The following TLN2 variants were observed in gnomAD, a reference collection of about 807,000 sequenced individuals.
TLN2 encodes talin-2.
Under a neutral mutation model 294.7 loss-of-function variants are expected in TLN2, and 118 were observed. The ratio of observed to expected loss-of-function variants is 0.40; its 90% CI spans 0.34 to 0.47. The LOEUF (loss-of-function observed/expected upper bound fraction) is 0.47, where lower values mean the gene tolerates loss of function less well. Among genes scored for constraint, TLN2 ranks in the 20% least tolerant of loss-of-function variants. The pLI is 0.84. For missense variants in TLN2, 3,083 were observed against 3,282.2 expected (o/e 0.94, Z 1.48); for synonymous variants, 1,431 against 1,304.5 (o/e 1.10, Z -2.09).
chr15:62,521,740 A>T (rs536301800), intron 1 of TLN2, among the ~76,000 whole-genome samples: 1 of 152,192 alleles, frequency 6.6e-6, no homozygotes, highest in Non-Finnish European at 1.5e-5. Context: ...GCCTGGCTGC[A>T]TTAATGGAGA....
chr15:62,752,732 A>G (rs1406625764), intron 35 of TLN2, among the ~76,000 whole-genome samples: 4 of 152,168 alleles, frequency 2.6e-5, no homozygotes, highest in Non-Finnish European at 5.9e-5. Context: ...GGGGTAGAAA[A>G]ATAAGCACTA....
In TLN2 at chr15:62,466,028, G is replaced by A. The variant is rs567376185; in HGVS notation, c.-238+75343G>A. 6.6e-5 allele frequency among the ~76,000 whole-genome samples: 10 copies of A among 152,266 alleles called. No individual in the cohort carries two copies. In the South Asian group the frequency reaches 2.1e-3, roughly 32 times the overall value. ...GGAGAAAGCAGTTGCTTTTAGCATT[G>A]CTCCCTTTTCCAGAGGAAATATGAT... On this transcript the variant is annotated intron_variant, in intron 1 of 58. Transcript: ENST00000636159.
intron 52 of TLN2, among the ~76,000 whole-genome samples, chr15:62,816,026 C>T (rs753663004): frequency 2.6e-5 from 4 of 152,194 alleles, no homozygotes; most frequent in Non-Finnish European, 5.9e-5. Flanking sequence ...TCAGCACAGA[C>T]ACACAGGTTG....
At chr15:62,498,761 C>G (rs1160623944) in intron 1 of TLN2, among the ~76,000 whole-genome samples, 1 of 151,604 alleles carries the variant, frequency 6.6e-6, no homozygotes, top group East Asian at 1.9e-4. Context: ...TAGTTCTTTT[C>G]ATATATAAAT....
chr15:62,657,823 G>C lies in TLN2; in HGVS notation c.713G>C (p.Cys238Ser). ...GSHPVSFEKA[C>S]EFGGFQAQIQ... ...CACCCTGTCTCCTTCGAGAAAGCTT[G>C]TGAGTTTGGTGGATTTCAAGCCCAG... The change falls in exon 9 of 59, where the codon TGT becomes TCT. Residue 238 changes from cysteine (C) to serine (S), a missense_variant. Cys to Ser is a moderately radical substitution (Grantham distance 112, BLOSUM62 -1). Transcript: ENST00000636159. 6.2e-7 allele frequency: 1 copy of C among 1,613,918 alleles called. No homozygotes were observed. The highest frequency in any genetic ancestry group is 8.5e-7 in the Non-Finnish European group (1 of 1,179,952).
chr15:62,768,891 G>A (rs2063181970), intron 41 of TLN2, among the ~76,000 whole-genome samples: 1 of 152,200 alleles, frequency 6.6e-6, no homozygotes, highest in Admixed American at 6.5e-5. Flanking sequence ...AACTCTCAGT[G>A]CTATTATTAA....
chr15:62,579,666 C>T (rs1399452102), intron 1 of TLN2, among the ~76,000 whole-genome samples: 3 of 152,094 alleles, frequency 2.0e-5, no homozygotes, highest in Admixed American at 2.0e-4. Context: ...GAAGAGGATG[C>T]CCCTCCTTCT....
intron 54 of TLN2, among the ~76,000 whole-genome samples, chr15:62,824,349 G>T (rs1288161835): frequency 6.6e-6 from 1 of 152,162 alleles, no homozygotes; most frequent in Non-Finnish European, 1.5e-5. Context: ...CAGAATAAAG[G>T]TCAGGATTAT....
At chr15:62,578,404 T>TA (rs995505213) in intron 1 of TLN2, among the ~76,000 whole-genome samples, 2 of 151,886 alleles carry the variant, frequency 1.3e-5, no homozygotes, top group African/African-American at 4.8e-5. Flanking sequence ...CCGTCTCTAC[T>TA]AAAAATACAA....
At chr15:62,650,878 A>G (rs1008785064) in intron 5 of TLN2, among the ~76,000 whole-genome samples, 1 of 152,136 alleles carries the variant, frequency 6.6e-6, no homozygotes, top group South Asian at 2.1e-4. Context: ...GTAGTAAACA[A>G]GTTACTTAAA....
intron 1 of TLN2, among the ~76,000 whole-genome samples, chr15:62,539,335 T>C (rs557117810): frequency 7.2e-5 from 11 of 152,294 alleles, no homozygotes; most frequent in African/African-American, 2.4e-4. Flanking sequence ...GGTTGAAACC[T>C]TGGCTCGCTG....
intron 1 of TLN2, among the ~76,000 whole-genome samples, chr15:62,576,475 A>G (rs1243934392): frequency 6.6e-6 from 1 of 151,840 alleles, no homozygotes; most frequent in Non-Finnish European, 1.5e-5. Context: ...TTAGCAGGTG[A>G]GTTGTATGGG....
At chr15:62,739,646 A>T (rs2061211356) in intron 31 of TLN2, 101 bp downstream of exon 31, 1 of 1,406,500 alleles carries the variant, frequency 7.1e-7, no homozygotes, top group Middle Eastern at 2.0e-4. Flanking sequence ...AGGAACCTGG[A>T]AACAGGCAGG....
At chr15:62,800,581 C>G in intron 49 of TLN2, 72 bp from the exon 50 acceptor site, 1 of 1,609,334 alleles carries the variant, frequency 6.2e-7, no homozygotes, top group Non-Finnish European at 8.5e-7. Flanking sequence ...AGCATGCGAT[C>G]CAGAAGTAAA....
At chr15:62,825,820 A>ATATATTATATAT (rs1157276904) in intron 54 of TLN2, among the ~76,000 whole-genome samples, 514 of 35,502 alleles carry the variant, frequency 0.014, 10 homozygotes, top group South Asian at 0.045. Context: ...ATATTATAAT[A>ATATATTATATAT]TATATTATAA....
chr15:62,565,120 C>T (rs914359478), intron 1 of TLN2, among the ~76,000 whole-genome samples: 2 of 151,908 alleles, frequency 1.3e-5, no homozygotes, highest in Non-Finnish European at 2.9e-5. Context: ...GTGTTAAACA[C>T]CCCAGAGTCT....
At chr15:62,773,676 T>C (rs1190063014) in intron 42 of TLN2, among the ~76,000 whole-genome samples, 5 of 152,316 alleles carry the variant, frequency 3.3e-5, no homozygotes, top group South Asian at 4.1e-4. Flanking sequence ...CAAATAGTTA[T>C]GGGTAGCTTT....
chr15:62,735,325 C>CA (rs1449181131), intron 28 of TLN2, among the ~76,000 whole-genome samples: 12 of 152,178 alleles, frequency 7.9e-5, no homozygotes, highest in Non-Finnish European at 1.3e-4. Context: ...TAGTAAGACT[C>CA]ACGTTTATTC....
chr15:62,490,452 G>A (rs1259464085), intron 1 of TLN2, among the ~76,000 whole-genome samples: 1 of 152,172 alleles, frequency 6.6e-6, no homozygotes, highest in East Asian at 1.9e-4. Flanking sequence ...ACAGTTGGTT[G>A]GAAACATAAA....
Sources: gnomAD v4.1 joint callset for allele counts (sites outside exome capture counted in the v4.1 genomes callset) on GRCh38, gnomAD v4.1.1 for gene constraint, MANE v1.5 for transcripts, NCBI Gene and HGNC (gene_info 2026-07-23, HGNC 2026-07-21) for gene names.